Variants in MYT1 observed in about 807,000 individuals in gnomAD.
The protein encoded by MYT1 is myelin transcription factor I.
MYT1 carries 23 observed loss-of-function variants against 123.0 expected under a neutral mutation model. The ratio of observed to expected loss-of-function variants is 0.19; its 90% CI spans 0.13 to 0.26. The LOEUF (loss-of-function observed/expected upper bound fraction) is 0.26, where lower values mean the gene tolerates loss of function less well. Ranked by LOEUF, MYT1 falls within the 10% of genes least tolerant of loss-of-function variation. The pLI is 1.00. For missense variants in MYT1, 1,125 were observed against 1,472.5 expected, an observed-to-expected ratio of 0.76 and a Z score of 3.86; for synonymous variants, 518 against 575.3, an observed-to-expected ratio of 0.90 and a Z score of 1.43.
At position 64,223,303 on chromosome 20, in the gene MYT1, C is replaced by T. The variant is rs1000552152; in HGVS notation, c.2472C>T (p.Cys824=). The change falls in exon 16 of 23, where the codon TGC becomes TGT. Residue 824 remains cysteine (C), a synonymous_variant. Transcript: ENST00000328439. ...NYASHRSLSG[C]PLADKSLRNL... ...TCTTCTCTTTCAGCCTCTCTGGTTG[C>T]CCTCTTGCTGACAAGAGCCTCAGAA... 1.2e-6 allele frequency: 2 copies of T among 1,614,170 alleles called. No homozygotes were observed. Among genetic ancestry groups the T allele is most frequent in the Non-Finnish European group, 1.7e-6 (2 of 1,180,014 alleles).
chr20:64,232,039 T>C lies in MYT1; in HGVS notation c.2676-125T>C, dbSNP rs1490539337. The C allele has an allele frequency of 5.4e-6, 5 of 933,462 alleles. No homozygotes were observed. The highest frequency in any genetic ancestry group is 8.1e-6 in the Non-Finnish European group (5 of 617,400). 57.8% of individuals were successfully genotyped at this position (933,462 alleles called of 1,614,324 possible). A position where few individuals can be genotyped will look rare whatever the true frequency, so the allele number is the denominator to read the frequency against. Reference sequence around the variant, plus strand: ...GCTCCAGGACCTCAGCGGCCCTCCCTGCCTCACTCAGAAGCCCTTTAACGG... The same window carrying C: ...GCTCCAGGACCTCAGCGGCCCTCCCCGCCTCACTCAGAAGCCCTTTAACGG... On this transcript the variant is annotated intron_variant, in intron 18 of 22. Transcript: ENST00000328439. This position sits in a 1 kb window ranked among gnomAD's most constrained non-coding sequence, Gnocchi z 6.9.
intron 2 of MYT1, among the ~76,000 whole-genome samples, chr20:64,194,855 G>C (rs1983061664): frequency 6.6e-6 from 1 of 152,186 alleles, no homozygotes; most frequent in Non-Finnish European, 1.5e-5. Context: ...TTAGAGGTTA[G>C]ACACGAGTGG....
intron 1 of MYT1, among the ~76,000 whole-genome samples, chr20:64,169,260 G>A (rs752191095): frequency 1.7e-4 from 26 of 152,158 alleles, no homozygotes; most frequent in Non-Finnish European, 3.5e-4. Flanking sequence ...TGAGACTCTC[G>A]GACCGCAAAC....
intron 14 of MYT1, 40 bp from the exon 15 acceptor site, chr20:64,223,071 A>C (rs2145726158): frequency 6.2e-7 from 1 of 1,612,788 alleles, no homozygotes; most frequent in Middle Eastern, 1.6e-4. Flanking sequence ...GGGCAGGTAC[A>C]CACCACTCTC....
rs774523868 is a variant in MYT1 at position 64,223,083 on chromosome 20, G to A, written c.2397-28G>A. The A allele has an allele frequency of 1.7e-5, 28 of 1,613,812 alleles. No individual in the cohort carries two copies. In the East Asian group the frequency reaches 2.7e-4, roughly 15 times the overall value. Reference sequence around the variant, plus strand: ...GGGGGGCAGGTACACACCACTCTCCGGTCTGACACTCTTTTTCCTTTGTCC... The same window carrying A: ...GGGGGGCAGGTACACACCACTCTCCAGTCTGACACTCTTTTTCCTTTGTCC... On this transcript the variant is annotated intron_variant, in intron 14 of 22. Coordinates refer to ENST00000328439, the MANE Select transcript of MYT1 (RefSeq NM_004535.3).
chr20:64,211,424 T>C, intron 8 of MYT1, 84 bp downstream of exon 8: 1 of 1,400,982 alleles, frequency 7.1e-7, no homozygotes, highest in Non-Finnish European at 9.8e-7. Context: ...TGGGGAGGCG[T>C]GGCCTGCCCA....
chr20:64,227,352 G>T (rs1254827976), intron 16 of MYT1, 63 bp from the exon 17 acceptor site: 54 of 1,534,080 alleles, frequency 3.5e-5, no homozygotes, highest in Non-Finnish European at 4.7e-5. Flanking sequence ...GGGGGTCCCA[G>T]GGCTCTGGGC....
In MYT1 at chr20:64,205,414, T is replaced by C. The variant is rs1983459615; in HGVS notation, c.150-139T>C. On this transcript the variant is annotated intron_variant, in intron 5 of 22. Transcript: ENST00000328439. ...CCCCTAGTGCTGCACTTTGCTTTTT[T>C]TGTCCGGGTTCCCTGCAAGGACTGG... The C allele has an allele frequency of 6.6e-6, 9 of 1,359,960 alleles. No homozygotes were observed. In the South Asian group the frequency reaches 1.3e-4, roughly 19 times the overall value. The allele number at this position is 1,359,960 out of a possible 1,614,324, so 84.2% of individuals were successfully genotyped here.
At chr20:64,183,525 T>C (rs527496248) in intron 1 of MYT1, among the ~76,000 whole-genome samples, 1 of 152,322 alleles carries the variant, frequency 6.6e-6, no homozygotes, top group Admixed American at 6.5e-5. Flanking sequence ...CTTGTTACTA[T>C]CTGTTTATCT....
chr20:64,237,281 G>A lies in MYT1; in HGVS notation c.2990-6G>A. On this transcript the variant is annotated splice_polypyrimidine_tract_variant and splice_region_variant and intron_variant, in intron 20 of 22. Transcript: ENST00000328439. ...AAGCCACAACTGAGGTTTCTCTCTG[G>A]GTCAGTGTTGGAGAATGATGAGGAG... 6.2e-7 allele frequency: 1 copy of A among 1,609,454 alleles called. No homozygotes were observed.
chr20:64,233,725 A>T (rs542862047), intron 19 of MYT1, among the ~76,000 whole-genome samples: 2 of 152,036 alleles, frequency 1.3e-5, no homozygotes, highest in Admixed American at 6.6e-5. Flanking sequence ...GGCAAAAAAG[A>T]AGCAGGGAAG....
At chr20:64,187,284 G>A (rs1276666758) in intron 1 of MYT1, among the ~76,000 whole-genome samples, 13 of 143,928 alleles carry the variant, frequency 9.0e-5, no homozygotes, top group South Asian at 2.3e-4. Context: ...CCATGTTTCC[G>A]TGGAGAGTTT....
chr20:64,219,663 C>T (rs1983938086), intron 12 of MYT1, 50 bp from the exon 13 acceptor site: 1 of 1,499,830 alleles, frequency 6.7e-7, no homozygotes, highest in African/African-American at 1.4e-5. Flanking sequence ...CCAGAAGGCA[C>T]ACATGGGAAG....
intron 6 of MYT1, among the ~76,000 whole-genome samples, chr20:64,207,110 G>C (rs2427615): frequency 0.65 from 98,611 of 152,102 alleles, 34,768 homozygotes; most frequent in African/African-American, 0.92. Context: ...TCTTGAACTC[G>C]TGACCTCAGG....
chr20:64,180,333 C>T (rs1255610115), intron 1 of MYT1, among the ~76,000 whole-genome samples: 1 of 152,222 alleles, frequency 6.6e-6, no homozygotes, highest in Non-Finnish European at 1.5e-5. Flanking sequence ...TTCCAATTCC[C>T]ACACAGGGTT....
intron 1 of MYT1, among the ~76,000 whole-genome samples, chr20:64,165,705 C>CG (rs2145684275): frequency 6.6e-6 from 1 of 152,046 alleles, no homozygotes; most frequent in African/African-American, 2.4e-5. Context: ...TGCGGTGGTG[C>CG]GGGGGGTTCC....
Position 64,200,001 on chromosome 20 carries a change from G to C in MYT1, c.86+79G>C, listed in dbSNP as rs1201360226. ...GAGATATCCTAAATGTCCCAAACGG[G>C]GTCTTCTTGGATTGACCAAACACCC... On this transcript the variant is annotated intron_variant, in intron 4 of 22. Transcript: ENST00000328439. The C allele has an allele frequency of 1.9e-6, 3 of 1,559,582 alleles. No homozygotes were observed. The Admixed American group carries it at 5.0e-5, about 26-fold the overall frequency.
At chr20:64,200,722 T>TGAA (rs1379958737) in intron 4 of MYT1, among the ~76,000 whole-genome samples, 1 of 152,066 alleles carries the variant, frequency 6.6e-6, no homozygotes, top group East Asian at 1.9e-4. Context: ...ATCCTGTTTG[T>TGAA]GAAGTGGGGA....
At chr20:64,227,813 A>T in intron 17 of MYT1, 75 bp from the exon 18 acceptor site, 4 of 626,330 alleles carry the variant, frequency 6.4e-6, no homozygotes, top group Non-Finnish European at 1.1e-5. Context: ...GCTTGAGGGG[A>T]GAGGGTGAGA....
Sources: allele counts gnomAD v4.1 joint callset (sites outside exome capture counted in the v4.1 genomes callset), GRCh38; gene constraint gnomAD v4.1.1; non-coding constraint Gnocchi (gnomAD v3.1); transcripts MANE v1.5; gene names NCBI Gene and HGNC (gene_info 2026-07-23, HGNC 2026-07-21).